The following PLEKHG1 variants were observed in gnomAD, a reference collection of about 807,000 sequenced individuals.
The protein encoded by PLEKHG1 is pleckstrin homology domain-containing family G member 1.
In PLEKHG1, 44 loss-of-function variants were observed where a neutral mutation model predicts 100.8. The ratio of observed to expected loss-of-function variants is 0.44; its 90% confidence interval spans 0.34 to 0.56. The LOEUF (loss-of-function observed/expected upper bound fraction) is 0.56, where lower values mean the gene tolerates loss of function less well. PLEKHG1 is among the 20% of genes least tolerant of loss of function. The pLI is 0.01. For synonymous variants in PLEKHG1, 640 were observed against 662.5 expected (o/e 0.97, Z 0.52); for missense variants, 1,545 against 1,720.9 (o/e 0.90, Z 1.81).
At chr6:150,616,628 C>T (rs1013762290) in intron 1 of PLEKHG1, among the ~76,000 whole-genome samples, 1 of 152,190 alleles carries the variant, frequency 6.6e-6, no homozygotes, top group African/African-American at 2.4e-5. Flanking sequence ...CTAGGCATTT[C>T]CAATGAAGAT....
upstream of PLEKHG1, among the ~76,000 whole-genome samples, chr6:150,718,286 C>T (rs1217208813): frequency 2.0e-5 from 3 of 152,130 alleles, no homozygotes; most frequent in Middle Eastern, 3.4e-3. Flanking sequence ...GAAATGTTAA[C>T]GGTTCAGTGT....
At chr6:150,828,014 G>T in intron 14 of PLEKHG1, 1 of 1,613,064 alleles carries the variant, frequency 6.2e-7, no homozygotes, top group Non-Finnish European at 8.5e-7. Flanking sequence ...GGGTCATCTT[G>T]CACCTTTACA....
intron 10 of PLEKHG1, among the ~76,000 whole-genome samples, chr6:150,815,286 G>A (rs1043586661): frequency 2.0e-5 from 3 of 152,074 alleles, no homozygotes; most frequent in African/African-American, 4.8e-5. Flanking sequence ...GCTGCCTTCC[G>A]TTCTTTTAAT....
intron 10 of PLEKHG1, among the ~76,000 whole-genome samples, chr6:150,816,500 G>T (rs1382906954): frequency 6.6e-6 from 1 of 151,604 alleles, no homozygotes; most frequent in African/African-American, 2.4e-5. Flanking sequence ...GCTAATTTTT[G>T]TATTTTTAGT....
chr6:150,804,155 TTATA>T (rs1180400882), intron 6 of PLEKHG1, among the ~76,000 whole-genome samples: 7 of 30,274 alleles, frequency 2.3e-4, no homozygotes, highest in African/African-American at 9.9e-4. Context: ...TGTAAATATT[TTATA>T]TATATATATA....
At chr6:150,760,303 C>G (rs1260844245) in intron 2 of PLEKHG1, among the ~76,000 whole-genome samples, 1 of 152,196 alleles carries the variant, frequency 6.6e-6, no homozygotes, top group Non-Finnish European at 1.5e-5. Context: ...TTAATTGTGT[C>G]TGTCTGCTTC....
At chr6:150,649,171 T>C (rs275347) in intron 2 of PLEKHG1, among the ~76,000 whole-genome samples, 138,304 of 152,248 alleles carry the variant, frequency 0.91, 62,875 homozygotes, top group Admixed American at 0.92. Flanking sequence ...ACTGCATTGT[T>C]TTTACTCCTC....
chr6:150,624,315 C>T (rs1461181613), intron 1 of PLEKHG1, among the ~76,000 whole-genome samples: 1 of 152,122 alleles, frequency 6.6e-6, no homozygotes, highest in Admixed American at 6.5e-5. Context: ...TTCTTGTCTC[C>T]AGGATCCTCC....
At chr6:150,703,175 C>T (rs1002948532) in intron 3 of PLEKHG1, among the ~76,000 whole-genome samples, 3 of 104,486 alleles carry the variant, frequency 2.9e-5, no homozygotes, top group Non-Finnish European at 5.9e-5. Flanking sequence ...AAATCCCTTC[C>T]CACTTCTCTC....
intron 1 of PLEKHG1, among the ~76,000 whole-genome samples, chr6:150,636,170 G>A (rs1777989513): frequency 6.6e-6 from 1 of 151,838 alleles, no homozygotes; most frequent in African/African-American, 2.4e-5. Context: ...ACCTCTTCAG[G>A]GTCATTACAC....
chr6:150,739,707 A>G (rs1562477980), intron 2 of PLEKHG1, among the ~76,000 whole-genome samples: 1 of 152,146 alleles, frequency 6.6e-6, no homozygotes, highest in Non-Finnish European at 1.5e-5. Context: ...TAAGTATTCT[A>G]GCCTTGATGT....
chr6:150,613,279 A>G (rs976625861), intron 1 of PLEKHG1, among the ~76,000 whole-genome samples: 2 of 152,298 alleles, frequency 1.3e-5, no homozygotes, highest in East Asian at 1.9e-4. Flanking sequence ...CATACTTTAT[A>G]ACATGCAAAC....
intron 1 of PLEKHG1, among the ~76,000 whole-genome samples, chr6:150,621,979 T>G (rs2128557523): frequency 6.6e-6 from 1 of 152,320 alleles, no homozygotes; most frequent in Admixed American, 6.5e-5. Flanking sequence ...GAGCTGTAGG[T>G]AAGAGATGCA....
intron 1 of PLEKHG1, among the ~76,000 whole-genome samples, chr6:150,608,749 A>C (rs1776705293): frequency 6.6e-6 from 1 of 152,210 alleles, no homozygotes; most frequent in Non-Finnish European, 1.5e-5. Context: ...GGAAAAGATA[A>C]GTTTGTTTTT....
chr6:150,768,616 A>G (rs1427357894), intron 2 of PLEKHG1, 22 bp from the exon 4 acceptor site: 2 of 1,333,692 alleles, frequency 1.5e-6, no homozygotes, highest in East Asian at 2.3e-5. Flanking sequence ...TGTTTAAGGC[A>G]TCCTTCTCAT....
intron 3 of PLEKHG1, among the ~76,000 whole-genome samples, chr6:150,674,559 A>G (rs1413511398): frequency 6.6e-6 from 1 of 150,398 alleles, no homozygotes; most frequent in Non-Finnish European, 1.5e-5. Flanking sequence ...ACCTACACTT[A>G]TGGCACCTGA....
chr6:150,663,141 C>G (rs980853479), intron 3 of PLEKHG1: 2 of 152,098 alleles, frequency 1.3e-5, no homozygotes, highest in African/African-American at 4.8e-5. Context: ...GCTTTTTCTT[C>G]TAATTATTTC....
intron 2 of PLEKHG1, among the ~76,000 whole-genome samples, chr6:150,738,513 T>C (rs1175648811): frequency 6.6e-6 from 1 of 152,214 alleles, no homozygotes; most frequent in African/African-American, 2.4e-5. Flanking sequence ...GAGTGTGTTA[T>C]GCCCTTCTTT....
intron 3 of PLEKHG1, among the ~76,000 whole-genome samples, chr6:150,779,014 G>C (rs1056165689): frequency 1.5e-4 from 23 of 152,214 alleles, no homozygotes; most frequent in Non-Finnish European, 7.3e-5. Context: ...TTCTAAGAGA[G>C]TGCAGGACTG....
Sources: allele counts gnomAD v4.1 joint callset (sites outside exome capture counted in the v4.1 genomes callset), GRCh38; gene constraint gnomAD v4.1.1; transcripts MANE v1.5; gene names NCBI Gene and HGNC (gene_info 2026-07-23, HGNC 2026-07-21).